The following TMEM156 variants were observed in gnomAD, a reference collection of about 807,000 sequenced individuals.
The protein encoded by TMEM156 is transmembrane protein 156.
TMEM156 carries 28 observed loss-of-function variants against 30.5 expected under a neutral mutation model. The observed-to-expected ratio is 0.92, with a 90% CI of 0.68 to 1.26. The LOEUF (loss-of-function observed/expected upper bound fraction) is 1.26. Among genes scored for constraint, TMEM156 ranks in the 50% most tolerant of loss-of-function variants. The probability of loss-of-function intolerance (pLI) is 0.00; values close to 1 mark genes in which losing one functional copy is unlikely to be tolerated. For missense variants in TMEM156, 351 were observed against 340.6 expected, an observed-to-expected ratio of 1.03 and a Z score of -0.24; for synonymous variants, 137 against 119.9, an observed-to-expected ratio of 1.14 and a Z score of -0.93.
In TMEM156 at chr4:38,993,981, A is replaced by T; in HGVS notation, c.376T>A (p.Ser126Thr). The change falls in exon 3 of 7, where the codon TCA becomes ACA. Residue 126 changes from serine to threonine, a missense_variant. Coordinates refer to ENST00000381938, the MANE Select transcript of TMEM156 (RefSeq NM_024943.3). ...QTSKVLIRRG[S>T]MEVKANDFHS... ...AAATCATTTGCTTTCACTTCCATTG[A>T]TCCTCTCCTGATAAGAACTAGAAAG... 1 of 1,613,538 alleles carries T rather than the reference A, an allele frequency of 6.2e-7. No homozygotes were observed. The highest frequency in any genetic ancestry group is 8.5e-7 in the Non-Finnish European group (1 of 1,179,494).
At chr4:39,024,439 A>G (rs1353725700) in intron 1 of TMEM156, among the ~76,000 whole-genome samples, 2 of 152,340 alleles carry the variant, frequency 1.3e-5, no homozygotes, top group Non-Finnish European at 1.5e-5. Flanking sequence ...TGAACACTTA[A>G]GATCTTTCCA....
intron 1 of TMEM156, among the ~76,000 whole-genome samples, chr4:39,017,333 C>T (rs534084168): frequency 6.6e-6 from 1 of 151,686 alleles, no homozygotes; most frequent in Non-Finnish European, 1.5e-5. Context: ...CGCCACCACG[C>T]CTGGCTAATT....
At chr4:39,021,618 T>C (rs1714873132) in intron 1 of TMEM156, among the ~76,000 whole-genome samples, 1 of 152,200 alleles carries the variant, frequency 6.6e-6, no homozygotes, top group South Asian at 2.1e-4. Context: ...TCATTTCCTT[T>C]GCTATGCAGA....
chr4:39,029,867 G>T (rs1221392079), intron 1 of TMEM156, among the ~76,000 whole-genome samples: 2 of 151,644 alleles, frequency 1.3e-5, no homozygotes, highest in Non-Finnish European at 1.5e-5. Context: ...AAAAAATAAT[G>T]GTTTTTATTA....
At chr4:39,001,129 G>A (rs1310907551) in intron 1 of TMEM156, among the ~76,000 whole-genome samples, 1 of 151,344 alleles carries the variant, frequency 6.6e-6, no homozygotes, top group African/African-American at 2.4e-5. Context: ...CGACCACTTC[G>A]GGAGGCTGAG....
chr4:39,017,606 A>G (rs1714588290), intron 1 of TMEM156, among the ~76,000 whole-genome samples: 1 of 152,194 alleles, frequency 6.6e-6, no homozygotes. Flanking sequence ...TATTCTTCAC[A>G]TGGTTGTATT....
intron 3 of TMEM156, among the ~76,000 whole-genome samples, chr4:38,991,212 C>T (rs5005122): frequency 0.49 from 69,393 of 142,328 alleles, 17,409 homozygotes; most frequent in East Asian, 0.71. Flanking sequence ...CTGTCTTTTT[C>T]TTTTCTTTTC....
At chr4:39,018,788 AGG>A (rs1341075335) in intron 1 of TMEM156, among the ~76,000 whole-genome samples, 1 of 152,168 alleles carries the variant, frequency 6.6e-6, no homozygotes, top group East Asian at 1.9e-4. Flanking sequence ...TGGGAGGCCA[AGG>A]TGGGCAGATC....
rs141736105 is a variant in TMEM156 at position 38,981,907 on chromosome 4, A to G, written c.823+4429T>C. ...TTAGTATAATGGCTGACCCGTAGTCAGTATTCAGTAAATATTGGTTAAATA... is the reference window on the plus strand; with the variant it reads ...TTAGTATAATGGCTGACCCGTAGTCGGTATTCAGTAAATATTGGTTAAATA... On this transcript the variant is annotated intron_variant, in intron 5 of 6. Transcript: ENST00000381938. 2.9e-3 allele frequency among the ~76,000 whole-genome samples: 439 copies of G among 152,316 alleles called. 3 individuals carry two copies. The highest frequency in any genetic ancestry group is 0.01 in the African/African-American group (422 of 41,584).
At chr4:39,007,566 T>C (rs1405827578) in intron 1 of TMEM156, among the ~76,000 whole-genome samples, 1 of 152,150 alleles carries the variant, frequency 6.6e-6, no homozygotes, top group African/African-American at 2.4e-5. Context: ...ACGATTCTCC[T>C]GCCTCCGCCT....
intron 5 of TMEM156, among the ~76,000 whole-genome samples, chr4:38,972,244 T>C (rs1722635763): frequency 1.4e-4 from 2 of 14,320 alleles, no homozygotes; most frequent in African/African-American, 1.4e-3. Flanking sequence ...CTCTGGGAAT[T>C]TTTTTTTTTT....
At chr4:38,983,855 C>T (rs55972916) in intron 5 of TMEM156, among the ~76,000 whole-genome samples, 21,920 of 152,186 alleles carry the variant, frequency 0.14, 1,701 homozygotes, top group East Asian at 0.2. Context: ...TCTTTATTTG[C>T]TGTCATATTT....
At chr4:39,003,448 C>T (rs544720491) in intron 1 of TMEM156, among the ~76,000 whole-genome samples, 10 of 152,154 alleles carry the variant, frequency 6.6e-5, no homozygotes, top group African/African-American at 2.4e-4. Flanking sequence ...GATTTTTCTG[C>T]CTCACCCTCC....
At chr4:38,976,411 G>T (rs907172253) in intron 5 of TMEM156, among the ~76,000 whole-genome samples, 2 of 152,044 alleles carry the variant, frequency 1.3e-5, no homozygotes, top group Non-Finnish European at 2.9e-5. Context: ...GGACAGCCGG[G>T]AAGATGCCAA....
At chr4:38,975,230 C>T (rs950878902) in intron 5 of TMEM156, among the ~76,000 whole-genome samples, 4 of 152,158 alleles carry the variant, frequency 2.6e-5, no homozygotes, top group Admixed American at 1.3e-4. Flanking sequence ...CTCTCCTCCA[C>T]ACACATCCAT....
chr4:39,026,996 T>C (rs1455817857), intron 1 of TMEM156, among the ~76,000 whole-genome samples: 1 of 152,220 alleles, frequency 6.6e-6, no homozygotes, highest in African/African-American at 2.4e-5. Context: ...TTTATCCATC[T>C]AGTTTTATTC....
chr4:39,003,710 G>A (rs935746424), intron 1 of TMEM156, among the ~76,000 whole-genome samples: 1 of 152,136 alleles, frequency 6.6e-6, no homozygotes, highest in Non-Finnish European at 1.5e-5. Context: ...TGCACCATCT[G>A]ATGGAACTCC....
intron 1 of TMEM156, among the ~76,000 whole-genome samples, chr4:38,999,584 C>G (rs987944542): frequency 2.6e-5 from 4 of 152,114 alleles, no homozygotes; most frequent in Non-Finnish European, 4.4e-5. Flanking sequence ...AACAAATTTC[C>G]ACAACCTTGG....
chr4:39,014,330 A>G (rs1164860879), intron 1 of TMEM156, among the ~76,000 whole-genome samples: 1 of 152,242 alleles, frequency 6.6e-6, no homozygotes, highest in Non-Finnish European at 1.5e-5. Context: ...CAGGAAGATA[A>G]TTTTGAATGT....
Sources: allele counts gnomAD v4.1 joint callset (sites outside exome capture counted in the v4.1 genomes callset), GRCh38; gene constraint gnomAD v4.1.1; transcripts MANE v1.5; gene names NCBI Gene and HGNC (gene_info 2026-07-23, HGNC 2026-07-21).